Variants in USP32 observed in about 807,000 individuals in gnomAD.
The protein encoded by USP32 is ubiquitin specific peptidase 32, also known as ubiquitin carboxyl-terminal hydrolase 32.
In USP32, 59 loss-of-function variants were observed where a neutral mutation model predicts 204.8. The ratio of observed to expected loss-of-function variants is 0.29; its 90% CI spans 0.23 to 0.36. USP32 has a LOEUF of 0.36. Among genes scored for constraint, USP32 ranks in the 10% least tolerant of loss-of-function variants. The pLI is 1.00. For missense variants in USP32, 1,160 were observed against 1,946.4 expected (o/e 0.60, Z 7.60); for synonymous variants, 517 against 678.4 (o/e 0.76, Z 3.70).
At chr17:60,253,779 T>TAAATAAA (rs2086228384) in intron 10 of USP32, among the ~76,000 whole-genome samples, 1 of 151,802 alleles carries the variant, frequency 6.6e-6, no homozygotes, top group African/African-American at 2.4e-5. Context: ...AATAAATAAA[T>TAAATAAA]AAATAAAAAA....
intron 11 of USP32, among the ~76,000 whole-genome samples, chr17:60,246,411 A>ATTTTTT (rs199852454): frequency 6.9e-6 from 1 of 145,788 alleles, no homozygotes; most frequent in African/African-American, 2.7e-5. Flanking sequence ...ATATATATAT[A>ATTTTTT]TATTTTTTTT....
chr17:60,367,499 C>G (rs1348987568), intron 1 of USP32, among the ~76,000 whole-genome samples: 1 of 152,034 alleles, frequency 6.6e-6, no homozygotes, highest in African/African-American at 2.4e-5. Context: ...CAGAACGTGT[C>G]TCACAAAACA....
chr17:60,330,135 C>T (rs1414014866), intron 2 of USP32, among the ~76,000 whole-genome samples: 2 of 152,128 alleles, frequency 1.3e-5, no homozygotes, highest in South Asian at 2.1e-4. Flanking sequence ...TCCTCAGGTC[C>T]GCTGGTGCCC....
chr17:60,322,492 T>G (rs1251772240), intron 2 of USP32, among the ~76,000 whole-genome samples: 1 of 152,192 alleles, frequency 6.6e-6, no homozygotes, highest in African/African-American at 2.4e-5. Flanking sequence ...ATAACTTAAT[T>G]GGTATTTTAA....
chr17:60,287,321 A>G (rs1429008859), intron 5 of USP32, among the ~76,000 whole-genome samples: 1 of 152,180 alleles, frequency 6.6e-6, no homozygotes, highest in Non-Finnish European at 1.5e-5. Context: ...ACCTACTTGT[A>G]AGCTCCCCTT....
At chr17:60,180,011 T>C (rs556977646) in intron 33 of USP32, among the ~76,000 whole-genome samples, 2 of 151,458 alleles carry the variant, frequency 1.3e-5, no homozygotes, top group Admixed American at 1.3e-4. Flanking sequence ...TAGGAGTTTT[T>C]GCATTAACTA....
intron 1 of USP32, among the ~76,000 whole-genome samples, chr17:60,385,472 G>A (rs1402540646): frequency 6.6e-6 from 1 of 152,192 alleles, no homozygotes; most frequent in African/African-American, 2.4e-5. Context: ...CTTGAACCAG[G>A]AGACAGAGGT....
rs1247991571 is a variant in USP32 at position 60,345,706 on chromosome 17, G to A, written c.59-98C>T. On this transcript the variant is annotated intron_variant, in intron 1 of 33. Coordinates refer to ENST00000300896, the MANE Select transcript of USP32 (RefSeq NM_032582.4). ...GGCTCCTAAGAAAAATTGAGGCTAG[G>A]CACAGTGGCTCACGCCTATAATCCC... 17 of 1,503,244 alleles carry A rather than the reference G, an allele frequency of 1.1e-5. No individual in the cohort carries two copies. In the East Asian group the frequency reaches 3.4e-4, roughly 30 times the overall value. The allele number at this position is 1,503,244 out of a possible 1,614,324, so 93.1% of individuals were successfully genotyped here. A position where few individuals can be genotyped will look rare whatever the true frequency, so the allele number is the denominator to read the frequency against.
At position 60,198,177 on chromosome 17, in the gene USP32, G is replaced by T. The variant is rs1297320447; in HGVS notation, c.3434+83C>A. 10 of 1,520,104 alleles carry T rather than the reference G, an allele frequency of 6.6e-6. No homozygotes were observed. The East Asian group carries it at 1.6e-4, about 24-fold the overall frequency. 94.2% of individuals were successfully genotyped at this position (1,520,104 alleles called of 1,614,324 possible). A position where few individuals can be genotyped will look rare whatever the true frequency, so the allele number is the denominator to read the frequency against. ...GAGTGATTAACTTGACATAGGCTGG[G>T]TCCTATCAGTCATGTAGAATTCATA... is the stretch of plus-strand genomic sequence containing the variant. On this transcript the variant is annotated intron_variant, in intron 27 of 33. Coordinates refer to ENST00000300896, the MANE Select transcript of USP32 (RefSeq NM_032582.4).
At chr17:60,393,560 C>T (rs987767439), upstream of USP32, among the ~76,000 whole-genome samples, 2 of 152,046 alleles carry the variant, frequency 1.3e-5, no homozygotes, top group African/African-American at 4.8e-5. Context: ...AAAAAGTAAC[C>T]ATTTGGATTA....
intron 27 of USP32, among the ~76,000 whole-genome samples, chr17:60,196,009 C>T (rs1361273627): frequency 1.3e-5 from 2 of 152,202 alleles, no homozygotes; most frequent in African/African-American, 4.8e-5. Flanking sequence ...CAGCAGCTCA[C>T]GCCTGTAATC....
intron 15 of USP32, among the ~76,000 whole-genome samples, chr17:60,221,066 T>G (rs2085234469): frequency 6.6e-6 from 1 of 152,068 alleles, no homozygotes; most frequent in African/African-American, 2.4e-5. Context: ...TTTTTTTTTT[T>G]AGTATCAAGA....
intron 2 of USP32, among the ~76,000 whole-genome samples, chr17:60,313,107 C>T (rs555236440): frequency 3.3e-5 from 5 of 152,058 alleles, no homozygotes; most frequent in East Asian, 3.9e-4. Context: ...AAAAATTAGC[C>T]AGTCATGGTG....
chr17:60,339,443 C>T (rs1002795469), intron 2 of USP32, among the ~76,000 whole-genome samples: 31 of 151,658 alleles, frequency 2.0e-4, no homozygotes, highest in African/African-American at 7.0e-4. Context: ...ATTAGCCAGG[C>T]GTGGTGGTGG....
At chr17:60,292,134 C>G (rs1442500912) in intron 4 of USP32, among the ~76,000 whole-genome samples, 5 of 152,060 alleles carry the variant, frequency 3.3e-5, no homozygotes, top group Non-Finnish European at 7.4e-5. Context: ...CTTCTTGAAA[C>G]ATTGTCCTCA....
Position 60,320,857 on chromosome 17 carries a change from G to A in USP32, c.187-19153C>T, listed in dbSNP as rs142330691. On this transcript the variant is annotated intron_variant, in intron 2 of 33. Coordinates refer to ENST00000300896, the MANE Select transcript of USP32 (RefSeq NM_032582.4). ...AGGCAAATGTCACATGCAGGTTCCA[G>A]GAACTAGGACCTGGAGATCTTTGAA... is the stretch of plus-strand genomic sequence containing the variant. Among the ~76,000 whole-genome samples, 891 of 152,298 alleles carry A rather than the reference G, an allele frequency of 5.9e-3. 8 individuals carry two copies. The highest frequency in any genetic ancestry group is 0.017 in the South Asian group (81 of 4,828).
At chr17:60,287,803 C>A (rs940732342) in intron 5 of USP32, among the ~76,000 whole-genome samples, 2 of 151,760 alleles carry the variant, frequency 1.3e-5, no homozygotes, top group Non-Finnish European at 2.9e-5. Context: ...TTGAAAAAAA[C>A]AAAACACTGA....
At chr17:60,209,838 A>G (rs1391114362) in intron 21 of USP32, among the ~76,000 whole-genome samples, 1 of 152,226 alleles carries the variant, frequency 6.6e-6, no homozygotes, top group Non-Finnish European at 1.5e-5. Flanking sequence ...TAAGACAGAA[A>G]CATTAAAACA....
At chr17:60,189,158 A>G (rs2084318208) in intron 29 of USP32, among the ~76,000 whole-genome samples, 1 of 152,246 alleles carries the variant, frequency 6.6e-6, no homozygotes, top group South Asian at 2.1e-4. Context: ...CTTGCTAGTG[A>G]GCATGATCTA....
Sources: allele counts gnomAD v4.1 joint callset (sites outside exome capture counted in the v4.1 genomes callset), GRCh38; gene constraint gnomAD v4.1.1; transcripts MANE v1.5; gene names NCBI Gene and HGNC (gene_info 2026-07-23, HGNC 2026-07-21).